The following NSD1 variants were observed in gnomAD, a reference collection of about 807,000 sequenced individuals.
The protein encoded by NSD1 is nuclear receptor binding SET domain protein 1, also known as histone-lysine N-methyltransferase, H3 lysine-36 specific.
In NSD1, 26 loss-of-function variants were observed where a neutral mutation model predicts 242.7. The ratio of observed to expected loss-of-function variants is 0.11; its 90% confidence interval spans 0.08 to 0.15. The LOEUF is 0.15. Among genes scored for constraint, NSD1 ranks in the 10% least tolerant of loss-of-function variants. The probability of loss-of-function intolerance (pLI) is 1.00; values close to 1 mark genes in which losing one functional copy is unlikely to be tolerated. For missense variants in NSD1, 2,495 were observed against 3,272.8 expected (o/e 0.76, Z 5.80); for synonymous variants, 1,106 against 1,178.1 (o/e 0.94, Z 1.25).
intron 20 of NSD1, 145 bp from the exon 21 acceptor site, chr5:177,288,674 A>G (rs1169711530): frequency 1.2e-5 from 8 of 657,676 alleles, no homozygotes; most frequent in African/African-American, 3.7e-5. Context: ...ATGTTATAAG[A>G]TTAGAATTAA....
Position 177,256,931 on chromosome 5 carries a change from AT to A in NSD1, c.4766-19del, listed in dbSNP as rs1396877695. The A allele has an allele frequency of 4.1e-5, 65 of 1,603,562 alleles. No individual in the cohort carries two copies. The highest frequency in any genetic ancestry group is 5.6e-5 in the Non-Finnish European group (65 of 1,170,456). On this transcript the variant is annotated intron_variant, in intron 12 of 22. Transcript: ENST00000439151. ...TAGATTCTTGAATTCTTACTAATTT[AT>A]CTTCTTTTGGCTTCTCAGGAATCCA...
At chr5:177,287,017 C>CAACT (rs1226836542) in intron 20 of NSD1, among the ~76,000 whole-genome samples, 4 of 152,360 alleles carry the variant, frequency 2.6e-5, no homozygotes, top group South Asian at 4.1e-4. Context: ...CACATACCTG[C>CAACT]AACTTACTGT....
At chr5:177,143,951 A>G (rs1272564678) in intron 2 of NSD1, among the ~76,000 whole-genome samples, 1 of 151,598 alleles carries the variant, frequency 6.6e-6, no homozygotes, top group Non-Finnish European at 1.5e-5. Flanking sequence ...ATGCCCGACT[A>G]ATTTTGTGTT....
intron 11 of NSD1, 92 bp from the exon 12 acceptor site, chr5:177,251,638 T>A (rs1028635263): frequency 1.5e-6 from 2 of 1,375,744 alleles, no homozygotes; most frequent in Non-Finnish European, 2.1e-6. Flanking sequence ...TCTGCCACTT[T>A]TAACCTTTGT....
rs568255663 is a variant in NSD1, at chr5:177,189,168, A to G, written c.928-2716A>G. On this transcript the variant is annotated intron_variant, in intron 2 of 22. Coordinates refer to ENST00000439151, the MANE Select transcript of NSD1 (RefSeq NM_022455.5). ...TTAAAATACTGGGAGCTGAATTACT[A>G]GTTACTCATTTTGATGGTGTATTAT... is the stretch of plus-strand genomic sequence containing the variant. 3.3e-5 allele frequency among the ~76,000 whole-genome samples: 5 copies of G among 152,302 alleles called. No individual in the cohort carries two copies. The South Asian group carries it at 1.0e-3, about 32-fold the overall frequency.
rs372154291 is a variant in NSD1, at chr5:177,289,928, C to T, written c.6258+1003C>T. Among the ~76,000 whole-genome samples, 14 of 150,398 alleles carry T rather than the reference C, an allele frequency of 9.3e-5. No homozygotes were observed. In the East Asian group the frequency reaches 1.6e-3, roughly 17 times the overall value. On this transcript the variant is annotated intron_variant, in intron 21 of 22. Coordinates refer to ENST00000439151, the MANE Select transcript of NSD1 (RefSeq NM_022455.5). ...CTGCAAGCTCCGTCTCCCGGGTTCA[C>T]GCCATTCTCCTGCCTCAGCCTCCTG...
At chr5:177,252,641 T>C (rs1160139132) in intron 12 of NSD1, among the ~76,000 whole-genome samples, 2 of 143,462 alleles carry the variant, frequency 1.4e-5, no homozygotes, top group Non-Finnish European at 3.0e-5. Context: ...AGTCTTGAGC[T>C]CCTGGGCTCA....
chr5:177,197,250 A>G (rs766457143), intron 3 of NSD1, among the ~76,000 whole-genome samples: 3 of 152,090 alleles, frequency 2.0e-5, no homozygotes, highest in Admixed American at 6.5e-5. Flanking sequence ...AGCCTGGGCA[A>G]TGGAGCAAGA....
At chr5:177,153,078 A>G (rs888576018) in intron 2 of NSD1, among the ~76,000 whole-genome samples, 3 of 152,130 alleles carry the variant, frequency 2.0e-5, no homozygotes, top group Admixed American at 2.0e-4. Flanking sequence ...TTGGGGCAGA[A>G]GTGTTAGGGC....
intron 17 of NSD1, among the ~76,000 whole-genome samples, chr5:177,274,053 C>T (rs1758155893): frequency 6.6e-6 from 1 of 152,088 alleles, no homozygotes; most frequent in African/African-American, 2.4e-5. Flanking sequence ...ACTTGGGAGG[C>T]TGAGGCTGGA....
intron 2 of NSD1, among the ~76,000 whole-genome samples, chr5:177,173,075 C>T (rs1016726703): frequency 3.3e-5 from 5 of 150,974 alleles, no homozygotes; most frequent in African/African-American, 4.9e-5. Flanking sequence ...GGGCAGATCA[C>T]GAGGTCAGGA....
At chr5:177,140,160 C>T (rs1464003461) in intron 2 of NSD1, among the ~76,000 whole-genome samples, 3 of 152,156 alleles carry the variant, frequency 2.0e-5, no homozygotes, top group African/African-American at 7.2e-5. Flanking sequence ...AAGTGATTGT[C>T]ATTACAATTT....
At chr5:177,221,187 T>A (rs1185933982) in intron 5 of NSD1, among the ~76,000 whole-genome samples, 1 of 152,168 alleles carries the variant, frequency 6.6e-6, no homozygotes, top group East Asian at 1.9e-4. Context: ...GCCTCATTTT[T>A]TGTTAAAGTA....
At chr5:177,192,433 G>T (rs1761768941) in intron 3 of NSD1, among the ~76,000 whole-genome samples, 1 of 151,324 alleles carries the variant, frequency 6.6e-6, no homozygotes. Context: ...TTTTGCTCTT[G>T]TTGCCCAGGC....
Position 177,134,259 on chromosome 5 carries a change from G to C in NSD1, c.-18+307G>C, listed in dbSNP as rs1367081020. ...GCCTCCCCTCAGGTAGCAGGCTGCG[G>C]GGCGCGGGGCCGGCTGCCCTCCCGC... On this transcript the variant is annotated intron_variant, in intron 1 of 22. Coordinates refer to ENST00000439151, the MANE Select transcript of NSD1 (RefSeq NM_022455.5). This position sits in a 1 kb window ranked among gnomAD's most constrained non-coding sequence, Gnocchi z 4.2. 6.6e-6 allele frequency: 1 copy of C among 152,000 alleles called. No homozygotes were observed. The highest frequency in any genetic ancestry group is 1.5e-5 in the Non-Finnish European group (1 of 67,976). 9.4% of individuals were successfully genotyped at this position (152,000 alleles called of 1,614,324 possible). A position where few individuals can be genotyped will look rare whatever the true frequency, so the allele number is the denominator to read the frequency against.
At chr5:177,184,985 T>G (rs1335732145) in intron 2 of NSD1, among the ~76,000 whole-genome samples, 1 of 152,202 alleles carries the variant, frequency 6.6e-6, no homozygotes, top group East Asian at 1.9e-4. Flanking sequence ...TGTTTTTGTC[T>G]TATATATTGC....
At chr5:177,136,998 A>G in intron 2 of NSD1, 2 of 622,052 alleles carry the variant, frequency 3.2e-6, no homozygotes, top group Non-Finnish European at 2.9e-6. Context: ...TGATATGTAT[A>G]TATTCCGTGT....
chr5:177,163,576 T>C (rs563162813), intron 2 of NSD1, among the ~76,000 whole-genome samples: 1 of 152,190 alleles, frequency 6.6e-6, no homozygotes, highest in Non-Finnish European at 1.5e-5. Flanking sequence ...CCTTAGTTTT[T>C]AATCTATAAG....
chr5:177,279,610 ATTTTTTTTTTTTTT>A (rs536478404), intron 17 of NSD1, among the ~76,000 whole-genome samples: 63 of 95,432 alleles, frequency 6.6e-4, no homozygotes, highest in Non-Finnish European at 1.1e-3. Context: ...AGCTTTGAAA[ATTTTTTTTTTTTTT>A]TTTTTTTTTT....
Sources: allele counts gnomAD v4.1 joint callset (sites outside exome capture counted in the v4.1 genomes callset), GRCh38; gene constraint gnomAD v4.1.1; non-coding constraint Gnocchi (gnomAD v3.1); transcripts MANE v1.5; gene names NCBI Gene and HGNC (gene_info 2026-07-23, HGNC 2026-07-21).